FAP: variants seen among roughly 807,000 people sequenced by gnomAD.
FAP encodes the protein fibroblast activation protein alpha, also known as prolyl endopeptidase FAP.
Under a neutral mutation model 126.5 loss-of-function variants are expected in FAP, and 110 were observed. The observed-to-expected ratio is 0.87, with a 90% CI of 0.74 to 1.02. The LOEUF (loss-of-function observed/expected upper bound fraction) is 1.02. Among genes scored for constraint, FAP ranks in the 50% least tolerant of loss-of-function variants. FAP has a pLI of 0.00. For synonymous variants in FAP, 334 were observed against 297.3 expected, an observed-to-expected ratio of 1.12 and a Z score of -1.27; for missense variants, 919 against 909.2, an observed-to-expected ratio of 1.01 and a Z score of -0.14.
At chr2:162,214,426 T>A (rs577299503) in intron 10 of FAP, among the ~76,000 whole-genome samples, 1 of 152,098 alleles carries the variant, frequency 6.6e-6, no homozygotes, top group African/African-American at 2.4e-5. Context: ...GTAAACTCAA[T>A]TTTTCACCTT....
chr2:162,229,283 A>G (rs1689793582), intron 2 of FAP, among the ~76,000 whole-genome samples: 1 of 152,122 alleles, frequency 6.6e-6, no homozygotes, highest in African/African-American at 2.4e-5. Flanking sequence ...AGCAGTCAAT[A>G]CATGTTACCT....
chr2:162,218,214 GC>G, intron 8 of FAP, 74 bp from the exon 9 acceptor site: 1 of 972,572 alleles, frequency 1.0e-6, no homozygotes, highest in Non-Finnish European at 1.5e-6. Flanking sequence ...CTTCTAAATA[GC>G]TATTTATCAA....
chr2:162,207,348 G>A (rs1191086686), intron 12 of FAP, among the ~76,000 whole-genome samples: 1 of 152,098 alleles, frequency 6.6e-6, no homozygotes, highest in Non-Finnish European at 1.5e-5. Context: ...TTTCTCTTCT[G>A]GAATTTAGAA....
intron 3 of FAP, among the ~76,000 whole-genome samples, chr2:162,226,249 A>C (rs965347086): frequency 6.6e-6 from 1 of 152,168 alleles, no homozygotes; most frequent in Admixed American, 6.6e-5. Flanking sequence ...TACCATTCTC[A>C]AAAGTGATTA....
intron 6 of FAP, among the ~76,000 whole-genome samples, chr2:162,221,965 C>T (rs190322847): frequency 4.6e-5 from 7 of 152,050 alleles, no homozygotes; most frequent in Admixed American, 2.0e-4. Flanking sequence ...ACCACCCCCC[C>T]ACCAAAAAAT....
intron 6 of FAP, among the ~76,000 whole-genome samples, chr2:162,221,318 C>T (rs1168814268): frequency 6.6e-6 from 1 of 152,002 alleles, no homozygotes; most frequent in Non-Finnish European, 1.5e-5. Context: ...TTTCTTGAGG[C>T]CAGGAGTTCG....
chr2:162,213,353 C>G (rs868094724), intron 11 of FAP, among the ~76,000 whole-genome samples: 1 of 145,972 alleles, frequency 6.9e-6, no homozygotes, highest in Non-Finnish European at 1.5e-5. Flanking sequence ...TCCAGCCTGG[C>G]GACAGAGCGA....
intron 2 of FAP, among the ~76,000 whole-genome samples, chr2:162,240,406 T>C (rs2106308280): frequency 6.6e-6 from 1 of 152,314 alleles, no homozygotes; most frequent in South Asian, 2.1e-4. Flanking sequence ...GCCTTTCTCT[T>C]TTTTCTTTCC....
chr2:162,172,761 T>C (rs1451262480), intron 25 of FAP, 50 bp downstream of exon 25: 1 of 1,256,514 alleles, frequency 8.0e-7, no homozygotes, highest in African/African-American at 1.5e-5. Context: ...ACCCCTCCTT[T>C]TAGCTTGAGG....
At chr2:162,205,516 T>C (rs192238266) in intron 12 of FAP, among the ~76,000 whole-genome samples, 115 of 152,224 alleles carry the variant, frequency 7.6e-4, no homozygotes, top group African/African-American at 2.7e-3. Context: ...TCCCTTTTTT[T>C]TATTTTTTTA....
chr2:162,173,703 A>C lies in FAP; in HGVS notation c.2034+20T>G, dbSNP rs1469570221. ...ATATTAGAAATTAATTATTAACCTAAATAAAATGGAAACACTTACCTTATA... is the reference window on the plus strand; with the variant it reads ...ATATTAGAAATTAATTATTAACCTACATAAAATGGAAACACTTACCTTATA... On this transcript the variant is annotated intron_variant, in intron 23 of 25. Transcript: ENST00000188790. The C allele has an allele frequency of 6.6e-7, 1 of 1,505,364 alleles. No individual in the cohort carries two copies. The highest frequency in any genetic ancestry group is 1.1e-5 in the South Asian group (1 of 87,320). 93.3% of individuals were successfully genotyped at this position (1,505,364 alleles called of 1,614,324 possible). A position where few individuals can be genotyped will look rare whatever the true frequency, so the allele number is the denominator to read the frequency against.
At chr2:162,197,669 G>C in intron 16 of FAP, 1 of 456,526 alleles carries the variant, frequency 2.2e-6, no homozygotes, top group South Asian at 1.6e-5. Context: ...CAGGTGGCTG[G>C]ACTGAGGGAA....
rs369587567 is a variant in FAP at position 162,188,216 on chromosome 2, A to G, written c.1767T>C (p.Tyr589=). 1 of 1,613,194 alleles carries G rather than the reference A, an allele frequency of 6.2e-7. No individual in the cohort carries two copies. Among genetic ancestry groups the G allele is most frequent in the Non-Finnish European group, 8.5e-7 (1 of 1,179,404 alleles). The change falls in exon 20 of 26, where the codon TAT becomes TAC. Residue 589 remains tyrosine, a synonymous_variant. Coordinates refer to ENST00000188790, the MANE Select transcript of FAP (RefSeq NM_004460.5). ...FQGDKLLYAV[Y]RKLGVYEVED... is the part of the protein sequence containing the mutation. ...CAACTTCATAAACACCCAGCTTTCG[A>G]TACACTGCATAGAGGAGTTTGTCAC... is the stretch of plus-strand genomic sequence containing the variant.
At chr2:162,194,343 A>C (rs1389134907) in intron 17 of FAP, among the ~76,000 whole-genome samples, 1 of 151,892 alleles carries the variant, frequency 6.6e-6, no homozygotes, top group African/African-American at 2.4e-5. Flanking sequence ...AAAAAAAAAA[A>C]AAAACACCCT....
intron 3 of FAP, 28 bp downstream of exon 3, chr2:162,226,495 A>T: frequency 8.2e-7 from 1 of 1,225,472 alleles, no homozygotes. Flanking sequence ...ACATAAAAAA[A>T]ACCCCTAAAG....
intron 17 of FAP, among the ~76,000 whole-genome samples, chr2:162,192,969 G>A (rs568657628): frequency 1.6e-4 from 25 of 152,130 alleles, no homozygotes; most frequent in African/African-American, 6.0e-4. Flanking sequence ...TTACCCCACT[G>A]TATTGTAACT....
At chr2:162,213,311 G>A (rs927021716) in intron 11 of FAP, among the ~76,000 whole-genome samples, 7 of 151,516 alleles carry the variant, frequency 4.6e-5, no homozygotes, top group Admixed American at 4.6e-4. Flanking sequence ...GGGAGACGGA[G>A]GTTGCAGTGA....
chr2:162,182,085 G>A (rs576422530), intron 21 of FAP, among the ~76,000 whole-genome samples: 3 of 152,278 alleles, frequency 2.0e-5, no homozygotes, highest in Non-Finnish European at 4.4e-5. Context: ...ACTAGATGTG[G>A]TGAGAATCTA....
At chr2:162,172,676 TA>T in intron 25 of FAP, 134 bp downstream of exon 25, 1 of 614,714 alleles carries the variant, frequency 1.6e-6, no homozygotes. Context: ...ATTCATTTGC[TA>T]ATGTTCTGCC....
Sources: allele counts gnomAD v4.1 joint callset (sites outside exome capture counted in the v4.1 genomes callset), GRCh38; gene constraint gnomAD v4.1.1; transcripts MANE v1.5; gene names NCBI Gene and HGNC (gene_info 2026-07-23, HGNC 2026-07-21).